The following CAB39L variants were observed in gnomAD, a reference collection of about 807,000 sequenced individuals.
The protein encoded by CAB39L is calcium-binding protein 39-like.
In CAB39L, 23 loss-of-function variants were observed where a neutral mutation model predicts 39.1. The observed-to-expected ratio is 0.59, with a 90% CI of 0.42 to 0.83. The LOEUF (loss-of-function observed/expected upper bound fraction) is 0.83, where lower values mean the gene tolerates loss of function less well. Ranked by LOEUF, CAB39L falls within the 40% of genes least tolerant of loss-of-function variation. CAB39L has a pLI of 0.00. For synonymous variants in CAB39L, 126 were observed against 137.2 expected (o/e 0.92, Z 0.57); for missense variants, 366 against 391.9 (o/e 0.93, Z 0.56).
chr13:49,392,405 G>A (rs975995363), intron 3 of CAB39L, among the ~76,000 whole-genome samples: 17 of 152,106 alleles, frequency 1.1e-4, no homozygotes, highest in African/African-American at 3.4e-4. Context: ...CTGGGAGGCC[G>A]AGGTGGGCAG....
At position 49,315,840 on chromosome 13, in the gene CAB39L, G is replaced by A. The variant is rs558268997; in HGVS notation, c.835-4847C>T. On this transcript the variant is annotated intron_variant, in intron 10 of 10. Transcript: ENST00000409308. ...GCGGAGGTTGCAGTGAGCCAAGATC[G>A]TGCCACGGCACTCCAGCCTGGGCAA... Among the ~76,000 whole-genome samples the A allele has an allele frequency of 4.0e-5, 6 of 148,674 alleles. No homozygotes were observed. The South Asian group carries it at 8.5e-4, about 21-fold the overall frequency.
In CAB39L at chr13:49,434,082, T is replaced by A. The variant is rs1957369593; in HGVS notation, c.-108+4A>T. 1 of 445,082 alleles carries A rather than the reference T, an allele frequency of 2.2e-6. No individual in the cohort carries two copies. The highest frequency in any genetic ancestry group is 4.5e-6 in the Non-Finnish European group (1 of 223,824). The allele number at this position is 445,082 out of a possible 1,614,324, so 27.6% of individuals were successfully genotyped here. ...TTCCCCATCAGAAATAAGAGAAAAC[T>A]TACGCTTCTCTCCTTTAGTGCATTG... On this transcript the variant is annotated splice_donor_region_variant and intron_variant, in intron 2 of 10. Coordinates refer to ENST00000409308, the MANE Select transcript of CAB39L (RefSeq NM_001079670.3).
intron 4 of CAB39L, among the ~76,000 whole-genome samples, chr13:49,378,608 G>C (rs1470896619): frequency 3.5e-5 from 2 of 57,164 alleles, no homozygotes; most frequent in East Asian, 3.4e-4. Context: ...CCCTCCGCCC[G>C]GCCAGCCGCC....
At chr13:49,401,799 T>C (rs931978610) in intron 3 of CAB39L, among the ~76,000 whole-genome samples, 1 of 152,188 alleles carries the variant, frequency 6.6e-6, no homozygotes, top group Non-Finnish European at 1.5e-5. Flanking sequence ...AAAAAAGTCA[T>C]GTTGATAGTA....
chr13:49,381,845 C>T (rs1223325804), intron 4 of CAB39L, among the ~76,000 whole-genome samples: 1 of 152,184 alleles, frequency 6.6e-6, no homozygotes, highest in Admixed American at 6.5e-5. Context: ...TTTCCTGGTG[C>T]AGATGTGCAA....
intron 3 of CAB39L, among the ~76,000 whole-genome samples, chr13:49,390,298 G>A (rs1195970727): frequency 6.6e-6 from 1 of 152,102 alleles, no homozygotes; most frequent in Non-Finnish European, 1.5e-5. Context: ...ACCTAGGCTG[G>A]AGTGCAGTGG....
intron 8 of CAB39L, among the ~76,000 whole-genome samples, chr13:49,340,204 A>G (rs1312701036): frequency 1.3e-5 from 2 of 152,226 alleles, no homozygotes; most frequent in East Asian, 3.9e-4. Flanking sequence ...TGACGGCCCA[A>G]CTAGTCTCTC....
At chr13:49,408,729 G>C (rs1031495374) in intron 3 of CAB39L, among the ~76,000 whole-genome samples, 2 of 152,078 alleles carry the variant, frequency 1.3e-5, no homozygotes, top group Non-Finnish European at 2.9e-5. Flanking sequence ...TACTCGAGGG[G>C]TTGAGCTGGG....
At chr13:49,382,287 T>C (rs975802963) in intron 4 of CAB39L, among the ~76,000 whole-genome samples, 4 of 152,126 alleles carry the variant, frequency 2.6e-5, no homozygotes, top group African/African-American at 7.2e-5. Context: ...TATCATTTAC[T>C]GGAATAGAAG....
chr13:49,382,605 A>C (rs1269816221), intron 4 of CAB39L, 195 bp downstream of exon 4: 6 of 494,266 alleles, frequency 1.2e-5, no homozygotes, highest in Non-Finnish European at 2.1e-5. Context: ...GTCTCTAGAG[A>C]GTGAACCTAA....
intron 8 of CAB39L, among the ~76,000 whole-genome samples, chr13:49,341,445 G>T (rs1003760694): frequency 6.6e-6 from 1 of 151,980 alleles, no homozygotes; most frequent in Non-Finnish European, 1.5e-5. Flanking sequence ...TAGAGACAAG[G>T]TTTCACCATT....
chr13:49,360,573 C>A (rs767287765), intron 5 of CAB39L, among the ~76,000 whole-genome samples: 1 of 152,130 alleles, frequency 6.6e-6, no homozygotes, highest in Admixed American at 6.6e-5. Context: ...TGGACTGGAC[C>A]TGAGTTTACT....
chr13:49,330,056 G>A (rs1022772132), intron 10 of CAB39L, among the ~76,000 whole-genome samples: 1 of 152,140 alleles, frequency 6.6e-6, no homozygotes, highest in Non-Finnish European at 1.5e-5. Flanking sequence ...ATAACCTCAA[G>A]GTGGCTAGTC....
chr13:49,442,326 G>A (rs1307619828), intron 1 of CAB39L, among the ~76,000 whole-genome samples: 1 of 152,040 alleles, frequency 6.6e-6, no homozygotes, highest in African/African-American at 2.4e-5. Context: ...TTTTTCACAA[G>A]AACAAAATTA....
intron 4 of CAB39L, among the ~76,000 whole-genome samples, chr13:49,381,507 C>T (rs958755611): frequency 6.6e-6 from 1 of 152,140 alleles, no homozygotes; most frequent in South Asian, 2.1e-4. Flanking sequence ...TCTCTTGTGA[C>T]AAACATGTCT....
intron 4 of CAB39L, among the ~76,000 whole-genome samples, chr13:49,378,586 TG>T (rs1437162710): frequency 2.2e-5 from 1 of 45,362 alleles, no homozygotes; most frequent in Non-Finnish European, 4.2e-5. Flanking sequence ...GGGAGGGAGG[TG>T]GGGGGGTCAG....
At chr13:49,329,539 AAAAAAAT>A (rs1954608859) in intron 10 of CAB39L, among the ~76,000 whole-genome samples, 1 of 36,242 alleles carries the variant, frequency 2.8e-5, no homozygotes, top group African/African-American at 1.6e-4. Flanking sequence ...TCAATTAAAA[AAAAAAAT>A]ATATATATAT....
chr13:49,333,813 C>A (rs898382328), intron 9 of CAB39L, among the ~76,000 whole-genome samples: 1 of 151,824 alleles, frequency 6.6e-6, no homozygotes, highest in African/African-American at 2.4e-5. Context: ...ACCTGGTGAT[C>A]CATCCGCCTC....
At chr13:49,378,588 G>GC (rs1956163242) in intron 4 of CAB39L, among the ~76,000 whole-genome samples, 1 of 76,094 alleles carries the variant, frequency 1.3e-5, no homozygotes, top group Non-Finnish European at 2.7e-5. Flanking sequence ...GAGGGAGGTG[G>GC]GGGGGTCAGC....
Sources: gnomAD v4.1 joint callset for allele counts (sites outside exome capture counted in the v4.1 genomes callset) on GRCh38, gnomAD v4.1.1 for gene constraint, MANE v1.5 for transcripts, NCBI Gene and HGNC (gene_info 2026-07-23, HGNC 2026-07-21) for gene names.